The following ZBTB20 variants were observed in gnomAD, a reference collection of about 807,000 sequenced individuals.
ZBTB20 encodes zinc finger and BTB domain containing 20, also known as zinc finger and BTB domain-containing protein 20.
In ZBTB20, 9 loss-of-function variants were observed where a neutral mutation model predicts 56.9. The ratio of observed to expected loss-of-function variants is 0.16; its 90% CI spans 0.10 to 0.28. ZBTB20 has a LOEUF of 0.28. Among genes scored for constraint, ZBTB20 ranks in the 10% least tolerant of loss-of-function variants. The pLI is 1.00. For synonymous variants in ZBTB20, 417 were observed against 420.7 expected (o/e 0.99, Z 0.11); for missense variants, 655 against 1,003.0 (o/e 0.65, Z 4.69).
chr3:114,993,824 T>A (rs939364907), intron 2 of ZBTB20, among the ~76,000 whole-genome samples: 36 of 151,774 alleles, frequency 2.4e-4, no homozygotes, highest in African/African-American at 8.5e-4. Flanking sequence ...GTAAAATTAA[T>A]TAGTTTAGGA....
intron 1 of ZBTB20, chr3:115,103,210 T>C (rs1219995815): frequency 6.6e-6 from 1 of 152,162 alleles, no homozygotes; most frequent in Non-Finnish European, 1.5e-5. Flanking sequence ...CATGTGTTGA[T>C]ATGTCATGGG....
chr3:114,687,301 G>C (rs2108289098), intron 6 of ZBTB20: 1 of 148,564 alleles, frequency 6.7e-6, no homozygotes, highest in South Asian at 2.1e-4. Context: ...GTCGGTTTTA[G>C]ATTCCCCTTG....
intron 3 of ZBTB20, among the ~76,000 whole-genome samples, chr3:114,915,827 C>A (rs1049974530): frequency 6.6e-6 from 1 of 152,012 alleles, no homozygotes; most frequent in Non-Finnish European, 1.5e-5. Context: ...CAACTGATCA[C>A]TCAGGAGTAC....
chr3:114,488,418 T>C (rs886135279), intron 7 of ZBTB20, among the ~76,000 whole-genome samples: 2 of 152,212 alleles, frequency 1.3e-5, no homozygotes, highest in Non-Finnish European at 2.9e-5. Flanking sequence ...TTTTTCCTAG[T>C]TTAAAAAATG....
rs561863070 is a variant in ZBTB20, at chr3:114,924,327, G to A, written c.-455-23985C>T. ...CTAAGTATCCATCAATGGGTAAAGC[G>A]GATAAATGAATAAAGAAAATGTGGT... On this transcript the variant is annotated intron_variant, in intron 3 of 11. Coordinates refer to ENST00000675478, the MANE Select transcript of ZBTB20 (RefSeq NM_001348800.3). Among the ~76,000 whole-genome samples the A allele has an allele frequency of 7.2e-5, 11 of 151,926 alleles. No individual in the cohort carries two copies. In the South Asian group the frequency reaches 8.3e-4, roughly 11 times the overall value.
At chr3:115,136,129 A>C (rs1342326567) in intron 1 of ZBTB20, among the ~76,000 whole-genome samples, 1 of 152,120 alleles carries the variant, frequency 6.6e-6, no homozygotes, top group African/African-American at 2.4e-5. Context: ...GATACCTGAC[A>C]CATTTCTTTT....
At chr3:114,645,381 T>G (rs1318337991) in intron 6 of ZBTB20, among the ~76,000 whole-genome samples, 2 of 152,194 alleles carry the variant, frequency 1.3e-5, no homozygotes, top group African/African-American at 4.8e-5. Flanking sequence ...ACTGGCAAAT[T>G]AATTATATAG....
chr3:114,604,732 G>A (rs2057017043), intron 6 of ZBTB20, among the ~76,000 whole-genome samples: 1 of 151,982 alleles, frequency 6.6e-6, no homozygotes, highest in South Asian at 2.1e-4. Context: ...AAATGATTCA[G>A]GTTCTTCCCT....
intron 6 of ZBTB20, among the ~76,000 whole-genome samples, chr3:114,512,341 T>A (rs530768200): frequency 6.6e-6 from 1 of 152,254 alleles, no homozygotes; most frequent in South Asian, 2.1e-4. Context: ...CATTCATTCA[T>A]TAATTCAACA....
intron 2 of ZBTB20, among the ~76,000 whole-genome samples, chr3:115,054,356 T>G (rs904128643): frequency 5.3e-5 from 8 of 152,160 alleles, no homozygotes; most frequent in African/African-American, 1.7e-4. Flanking sequence ...TTTTTTAATT[T>G]AAGCTCAACT....
At position 114,400,672 on chromosome 3, in the gene ZBTB20, C is replaced by T. The variant is rs117722936; in HGVS notation, c.-254-11567G>A. 1.6e-3 allele frequency among the ~76,000 whole-genome samples: 238 copies of T among 152,220 alleles called. 11 individuals carry two copies. In the East Asian group the frequency reaches 0.041, roughly 27 times the overall value. On this transcript the variant is annotated intron_variant, in intron 7 of 11. Coordinates refer to ENST00000675478, the MANE Select transcript of ZBTB20 (RefSeq NM_001348800.3). ...ACAACACAGGTGACAATCACTGTTC[C>T]TCCAGGTGTGTCTGAAACACTGGGG...
rs1038872090 is a variant in ZBTB20, at chr3:114,325,632, T to C, written c.*13373A>G. The C allele has an allele frequency of 3.9e-5, 6 of 152,302 alleles. No individual in the cohort carries two copies. In the East Asian group the frequency reaches 1.2e-3, roughly 29 times the overall value. 9.4% of individuals were successfully genotyped at this position (152,302 alleles called of 1,614,324 possible). A position where few individuals can be genotyped will look rare whatever the true frequency, so the allele number is the denominator to read the frequency against. On this transcript the variant is annotated 3_prime_UTR_variant, in exon 12 of 12. Transcript: ENST00000675478. Reference sequence around the variant, plus strand: ...GGTGAGTAGTGCTAACTTTCTCCGGTAACCTTGACAACTGGCTTTAGGAAT... The same window carrying C: ...GGTGAGTAGTGCTAACTTTCTCCGGCAACCTTGACAACTGGCTTTAGGAAT...
At chr3:114,398,679 G>A (rs1172878458) in intron 7 of ZBTB20, among the ~76,000 whole-genome samples, 2 of 152,136 alleles carry the variant, frequency 1.3e-5, no homozygotes, top group African/African-American at 2.4e-5. Context: ...TATACCAATG[G>A]TAAAATTACC....
At chr3:115,056,391 C>A (rs989337276) in intron 2 of ZBTB20, among the ~76,000 whole-genome samples, 1 of 152,018 alleles carries the variant, frequency 6.6e-6, no homozygotes, top group Non-Finnish European at 1.5e-5. Context: ...CAATATGTAT[C>A]ATAACCTTAT....
At chr3:115,057,939 C>CGA (rs2081867804) in intron 2 of ZBTB20, among the ~76,000 whole-genome samples, 2 of 152,054 alleles carry the variant, frequency 1.3e-5, no homozygotes, top group Non-Finnish European at 2.9e-5. Flanking sequence ...GGGGTGGCCT[C>CGA]AGGAAACTTA....
At chr3:114,694,368 T>C (rs938148999) in intron 5 of ZBTB20, among the ~76,000 whole-genome samples, 4 of 152,076 alleles carry the variant, frequency 2.6e-5, no homozygotes, top group Admixed American at 2.6e-4. Context: ...AGCTTTTCAA[T>C]GCCTTTAACA....
intron 7 of ZBTB20, among the ~76,000 whole-genome samples, chr3:114,423,477 A>G (rs745950803): frequency 3.9e-5 from 6 of 152,226 alleles, no homozygotes; most frequent in Non-Finnish European, 7.3e-5. Flanking sequence ...GAAATGGGGA[A>G]AGCTTAGCAA....
intron 11 of ZBTB20, among the ~76,000 whole-genome samples, chr3:114,345,240 T>C (rs2080095685): frequency 6.6e-6 from 1 of 152,230 alleles, no homozygotes; most frequent in African/African-American, 2.4e-5. Context: ...CATGTGAAAG[T>C]GTGATATACA....
At chr3:114,833,862 C>G (rs562485047) in intron 4 of ZBTB20, among the ~76,000 whole-genome samples, 1 of 151,990 alleles carries the variant, frequency 6.6e-6, no homozygotes, top group South Asian at 2.1e-4. Context: ...ATATTAACAC[C>G]ATTTTGCAAA....
Sources: allele counts gnomAD v4.1 joint callset (sites outside exome capture counted in the v4.1 genomes callset), GRCh38; gene constraint gnomAD v4.1.1; transcripts MANE v1.5; gene names NCBI Gene and HGNC (gene_info 2026-07-23, HGNC 2026-07-21).